The following IQSEC2 variants were observed in gnomAD, a reference collection of about 807,000 sequenced individuals.
IQSEC2 encodes IQ motif and SEC7 domain-containing protein 2.
A neutral mutation model predicts 74.6 loss-of-function variants in IQSEC2; 6 were observed. That is an observed-to-expected ratio of 0.08 (90% CI 0.04 to 0.16). The LOEUF (loss-of-function observed/expected upper bound fraction) is 0.16. Among genes scored for constraint, IQSEC2 ranks in the 10% least tolerant of loss-of-function variants. IQSEC2 has a pLI of 1.00. For missense variants in IQSEC2, 734 were observed against 1,306.2 expected, an observed-to-expected ratio of 0.56 and a Z score of 6.75; for synonymous variants, 494 against 544.5, an observed-to-expected ratio of 0.91 and a Z score of 1.29.
chrX:53,277,944 T>C (rs1338943272), intron 2 of IQSEC2, among the ~76,000 whole-genome samples: 1 of 110,309 alleles, frequency 9.1e-6, no homozygotes, highest in Non-Finnish European at 1.9e-5. Context: ...GTCCTGGGAT[T>C]ACAGGCATGA....
chrX:53,246,212 AT>A (rs1238555628), intron 8 of IQSEC2, among the ~76,000 whole-genome samples: 2 of 111,680 alleles, frequency 1.8e-5, no homozygotes, highest in African/African-American at 6.5e-5. Flanking sequence ...CGCCTTTGGT[AT>A]TCTCATTGCT....
intron 2 of IQSEC2, among the ~76,000 whole-genome samples, chrX:53,270,515 C>G (rs782789492): frequency 3.8e-3 from 420 of 111,607 alleles, no homozygotes; most frequent in Non-Finnish European, 6.5e-3. Flanking sequence ...CAAATACTGC[C>G]TCATCAGAGA....
intron 2 of IQSEC2, 51 bp downstream of exon 2, chrX:53,291,844 C>T (rs1556873098): frequency 9.0e-6 from 10 of 1,112,691 alleles, no homozygotes; most frequent in Non-Finnish European, 1.2e-5. Flanking sequence ...AGGCCCCCAC[C>T]CCAGGCCCTG....
chrX:53,250,566 A>G lies in IQSEC2; in HGVS notation c.2010T>C (p.Thr670=). 1.7e-6 allele frequency: 2 copies of G among 1,211,160 alleles called. No individual in the cohort carries two copies. Among genetic ancestry groups the G allele is most frequent in the African/African-American group, 1.7e-5 (1 of 57,916 alleles). ...GACCCCCAGCCACACCACTGGGCCC[A>G]GTGCCACTGTTGGGGGCTGGTGGCA... ...GPLPPAPNSG[T]GPSGVAGGRR... Residue 670 remains threonine, a synonymous_variant, in exon 5 of 15, where the codon ACT becomes ACC. Coordinates refer to ENST00000642864, the MANE Select transcript of IQSEC2 (RefSeq NM_001111125.3).
intron 2 of IQSEC2, chrX:53,266,609 T>C (rs2074660935): frequency 1.3e-5 from 10 of 791,980 alleles, no homozygotes; most frequent in Non-Finnish European, 1.4e-5. Context: ...CCTTGGGATG[T>C]CATTTGGAGA....
intron 1 of IQSEC2, among the ~76,000 whole-genome samples, chrX:53,295,095 T>C (rs1374361505): frequency 9.0e-6 from 1 of 111,529 alleles, no homozygotes; most frequent in Non-Finnish European, 1.9e-5. Context: ...ATTGCTGGGA[T>C]TACAGGCATG....
At chrX:53,243,164 G>A (rs1187453461) in intron 9 of IQSEC2, among the ~76,000 whole-genome samples, 168 bp downstream of exon 9, 1 of 112,136 alleles carries the variant, frequency 8.9e-6, no homozygotes, top group Non-Finnish European at 1.9e-5. Context: ...GCCTTGGAAT[G>A]TGCTCGATGC....
intron 2 of IQSEC2, among the ~76,000 whole-genome samples, chrX:53,268,690 C>T (rs987852142): frequency 8.9e-6 from 1 of 111,894 alleles, no homozygotes; most frequent in African/African-American, 3.3e-5. Flanking sequence ...GCTCAGACAC[C>T]CACTGCCTCC....
intron 1 of IQSEC2, among the ~76,000 whole-genome samples, chrX:53,319,858 C>G (rs1480248102): frequency 2.7e-5 from 3 of 110,860 alleles, no homozygotes; most frequent in Admixed American, 1.9e-4. Context: ...TTTGCTCCCC[C>G]CGGCCAGAAT....
At chrX:53,315,485 T>C (rs782209647) in intron 1 of IQSEC2, among the ~76,000 whole-genome samples, 3 of 111,716 alleles carry the variant, frequency 2.7e-5, no homozygotes, top group Admixed American at 1.9e-4. Flanking sequence ...CTGCGGACCC[T>C]GAAGCCCAAC....
At chrX:53,279,601 T>C (rs2074908470) in intron 2 of IQSEC2, 1 of 1,203,966 alleles carries the variant, frequency 8.3e-7, no homozygotes, top group Non-Finnish European at 1.1e-6. Context: ...GTAAGCTTCA[T>C]GGAGTCAAGG....
intron 2 of IQSEC2, among the ~76,000 whole-genome samples, chrX:53,266,126 C>T (rs370305391): frequency 9.8e-5 from 11 of 111,772 alleles, no homozygotes; most frequent in Non-Finnish European, 1.9e-4. Flanking sequence ...AGAGGTCATG[C>T]GACACATCCA....
chrX:53,282,702 T>C (rs1556871137), intron 2 of IQSEC2, among the ~76,000 whole-genome samples: 1 of 111,267 alleles, frequency 9.0e-6, no homozygotes, highest in Non-Finnish European at 1.9e-5. Context: ...CATCTGTGGG[T>C]CCTTAGTGAC....
chrX:53,276,263 A>G (rs2074832259), intron 2 of IQSEC2, among the ~76,000 whole-genome samples: 1 of 112,022 alleles, frequency 8.9e-6, no homozygotes, highest in African/African-American at 3.2e-5. Context: ...ATAGAGAAGT[A>G]TTTCACATTT....
intron 2 of IQSEC2, among the ~76,000 whole-genome samples, chrX:53,282,622 G>A (rs2074982523): frequency 8.9e-6 from 1 of 112,207 alleles, no homozygotes; most frequent in South Asian, 3.7e-4. Flanking sequence ...CCCTGCTGGG[G>A]CAGCTGGTTC....
At chrX:53,254,342 A>G (rs868923552) in intron 4 of IQSEC2, among the ~76,000 whole-genome samples, 188 bp downstream of exon 4, 1 of 101,232 alleles carries the variant, frequency 9.9e-6, no homozygotes, top group African/African-American at 4.7e-5. Flanking sequence ...AAAAAAAAAA[A>G]AAAAAAGGTA....
intron 2 of IQSEC2, among the ~76,000 whole-genome samples, chrX:53,262,073 C>CTTGTGCTAG (rs1429204437): frequency 4.4e-5 from 5 of 112,485 alleles, no homozygotes; most frequent in Non-Finnish European, 7.5e-5. Context: ...AACCCCAAAG[C>CTTGTGCTAG]TTGTGCTAGT....
intron 1 of IQSEC2, among the ~76,000 whole-genome samples, chrX:53,295,603 C>CAAAAAAAA (rs782410222): frequency 4.9e-5 from 2 of 40,576 alleles, no homozygotes; most frequent in African/African-American, 1.2e-4. Context: ...GACTCCGTCT[C>CAAAAAAAA]AAAAAAAAAA....
chrX:53,229,269 C>T (rs2074054583), downstream of IQSEC2: 1 of 111,554 alleles, frequency 9.0e-6, no homozygotes, highest in African/African-American at 3.3e-5. Context: ...AAATCTGGGG[C>T]TGTGAACATC....
Sources: allele counts gnomAD v4.1 joint callset (sites outside exome capture counted in the v4.1 genomes callset), GRCh38; gene constraint gnomAD v4.1.1; transcripts MANE v1.5; gene names NCBI Gene and HGNC (gene_info 2026-07-23, HGNC 2026-07-21).